Variants in TIMM23 observed in about 807,000 individuals in gnomAD.
TIMM23 encodes mitochondrial import inner membrane translocase subunit Tim23.
Under a neutral mutation model 30.7 loss-of-function variants are expected in TIMM23, and 19 were observed. The ratio of observed to expected loss-of-function variants is 0.62; its 90% CI spans 0.43 to 0.91. The LOEUF (loss-of-function observed/expected upper bound fraction) is 0.91, where lower values mean the gene tolerates loss of function less well. Among genes scored for constraint, TIMM23 ranks in the 40% least tolerant of loss-of-function variants. The probability of loss-of-function intolerance (pLI) is 0.00; values close to 1 mark genes in which losing one functional copy is unlikely to be tolerated. For synonymous variants in TIMM23, 78 were observed against 98.5 expected, an observed-to-expected ratio of 0.79 and a Z score of 1.23; for missense variants, 202 against 269.2, an observed-to-expected ratio of 0.75 and a Z score of 1.75.
chr10:45,979,017 A>G (rs1837761232), intron 2 of TIMM23, among the ~76,000 whole-genome samples: 1 of 152,254 alleles, frequency 6.6e-6, no homozygotes, highest in African/African-American at 2.4e-5. Context: ...CCTAAATGAA[A>G]GAAACCAGTC....
intron 6 of TIMM23, among the ~76,000 whole-genome samples, chr10:46,002,808 G>GTTTTTTT (rs1249590709): frequency 1.7e-5 from 2 of 115,478 alleles, no homozygotes; most frequent in African/African-American, 6.6e-5. Context: ...CCATTTCATA[G>GTTTTTTT]TATTTTTTTT....
intron 6 of TIMM23, among the ~76,000 whole-genome samples, chr10:45,993,244 C>CTATTTTTTTTTTTTTTT (rs1838222057): frequency 1.4e-5 from 1 of 72,062 alleles, no homozygotes; most frequent in Non-Finnish European, 2.5e-5. Context: ...TCTACCATCA[C>CTATTTTTTTTTTTTTTT]TTTTTTTTTT....
chr10:45,979,860 A>C (rs1286745752), intron 2 of TIMM23, among the ~76,000 whole-genome samples: 1 of 152,152 alleles, frequency 6.6e-6, no homozygotes, highest in African/African-American at 2.4e-5. Context: ...CAGTTTACTC[A>C]AAATTTCAAA....
rs1224462270 is a variant in TIMM23, at chr10:45,988,584, A to C, written c.404-153A>C. On this transcript the variant is annotated intron_variant, in intron 5 of 6. Coordinates refer to ENST00000580018, the MANE Select transcript of TIMM23 (RefSeq NM_006327.4). ...TGTTCCAAAGCTGATTCCAGAACCA[A>C]GGACAAATACCTTAACAAGTGATTG... is the stretch of plus-strand genomic sequence containing the variant. 6.5e-4 allele frequency among the ~76,000 whole-genome samples: 99 copies of C among 152,250 alleles called. 1 individual carries two copies. Among genetic ancestry groups the C allele is most frequent in the South Asian group, 4.1e-3 (20 of 4,820 alleles).
intron 6 of TIMM23, among the ~76,000 whole-genome samples, chr10:45,998,038 A>G (rs1041717265): frequency 6.6e-6 from 1 of 152,210 alleles, no homozygotes; most frequent in African/African-American, 2.4e-5. Context: ...CTGTTCCTAT[A>G]GAACAGGAGC....
intron 2 of TIMM23, among the ~76,000 whole-genome samples, chr10:45,976,947 C>T (rs1312062490): frequency 1.6e-4 from 24 of 152,262 alleles, no homozygotes; most frequent in African/African-American, 5.5e-4. Flanking sequence ...GTTCAATATA[C>T]ATAAATCAAA....
Position 45,972,792 on chromosome 10 carries a change from G to A in TIMM23, c.106+62G>A. On this transcript the variant is annotated intron_variant, in intron 1 of 6. Coordinates refer to ENST00000580018, the MANE Select transcript of TIMM23 (RefSeq NM_006327.4). Reference sequence around the variant, plus strand: ...GGTTTTTGCGTCTACACTAAGTTGCGCGTCCCATGTTTTATGTTGTTGTTT... The same window carrying A: ...GGTTTTTGCGTCTACACTAAGTTGCACGTCCCATGTTTTATGTTGTTGTTT... 3 of 1,598,042 alleles carry A rather than the reference G, an allele frequency of 1.9e-6. No homozygotes were observed. The South Asian group carries it at 3.4e-5, about 18-fold the overall frequency.
chr10:45,998,832 T>C (rs957666585), intron 6 of TIMM23, among the ~76,000 whole-genome samples: 1 of 22,212 alleles, frequency 4.5e-5, no homozygotes, highest in African/African-American at 4.6e-4. Flanking sequence ...CCCAAATATC[T>C]TTTTTTTTTT....
rs1303637703 is a variant in TIMM23 at position 45,976,721 on chromosome 10, C to T, written c.165+1209C>T. Among the ~76,000 whole-genome samples the T allele has an allele frequency of 5.9e-5, 9 of 152,072 alleles. No homozygotes were observed. The East Asian group carries it at 1.7e-3, about 29-fold the overall frequency. On this transcript the variant is annotated intron_variant, in intron 2 of 6. Coordinates refer to ENST00000580018, the MANE Select transcript of TIMM23 (RefSeq NM_006327.4). ...TGGTGAAAGACTGAATGCCTTCTCC[C>T]TAAGATCAGGAACAAAATAAGTATA...
At position 45,972,552 on chromosome 10, in the gene TIMM23, T is replaced by C. The variant is rs1837520918; in HGVS notation, c.-73T>C. 2 of 1,543,252 alleles carry C rather than the reference T, an allele frequency of 1.3e-6. No homozygotes were observed. Among genetic ancestry groups the C allele is most frequent in the South Asian group, 1.2e-5 (1 of 84,684 alleles). ...GGCAACGCGGGGTTACCCGCTGTTA[T>C]TGAGGAGTAACGGCCCAGCGGACCA... On this transcript the variant is annotated 5_prime_UTR_variant, in exon 1 of 7. Transcript: ENST00000580018.
At chr10:45,991,280 ACATAGAAAGG>A (rs1246565455) in intron 6 of TIMM23, among the ~76,000 whole-genome samples, 11 of 152,376 alleles carry the variant, frequency 7.2e-5, no homozygotes, top group African/African-American at 2.6e-4. Flanking sequence ...GCTTAAAATT[ACATAGAAAGG>A]CAGCATGTCA....
chr10:46,000,759 T>C (rs1425848458), intron 6 of TIMM23, among the ~76,000 whole-genome samples: 3 of 152,232 alleles, frequency 2.0e-5, no homozygotes, highest in Non-Finnish European at 4.4e-5. Flanking sequence ...CTGTGGATTA[T>C]TGACTTATAG....
At chr10:45,977,901 G>C (rs1486460609) in intron 2 of TIMM23, among the ~76,000 whole-genome samples, 1 of 151,750 alleles carries the variant, frequency 6.6e-6, no homozygotes, top group Non-Finnish European at 1.5e-5. Context: ...CGTGGTGCTG[G>C]GCGCCTGTAA....
intron 6 of TIMM23, among the ~76,000 whole-genome samples, chr10:45,993,202 C>G (rs1838218697): frequency 7.2e-6 from 1 of 139,348 alleles, no homozygotes; most frequent in Non-Finnish European, 1.5e-5. Flanking sequence ...AATGACCCTT[C>G]TAGTACTTGC....
intron 6 of TIMM23, among the ~76,000 whole-genome samples, chr10:45,996,090 A>G (rs1289656115): frequency 1.1e-4 from 16 of 148,266 alleles, no homozygotes; most frequent in South Asian, 2.1e-4. Flanking sequence ...GGCCTGGCAC[A>G]GTGGCTCACG....
chr10:45,994,170 T>C (rs1838256147), intron 6 of TIMM23, among the ~76,000 whole-genome samples: 2 of 151,814 alleles, frequency 1.3e-5, no homozygotes, highest in African/African-American at 4.8e-5. Context: ...CGAAACCCCA[T>C]CTCTACTAAA....
At chr10:45,989,377 T>G (rs1838090401) in intron 6 of TIMM23, among the ~76,000 whole-genome samples, 1 of 152,248 alleles carries the variant, frequency 6.6e-6, no homozygotes, top group South Asian at 2.1e-4. Flanking sequence ...GTGCGTTCTT[T>G]TATCAAGGAA....
chr10:45,977,888 A>C (rs1837722161), intron 2 of TIMM23, among the ~76,000 whole-genome samples: 1 of 151,904 alleles, frequency 6.6e-6, no homozygotes, highest in South Asian at 2.1e-4. Flanking sequence ...AAAATTAGCC[A>C]GGCGTGGTGC....
intron 6 of TIMM23, among the ~76,000 whole-genome samples, chr10:46,002,698 A>G (rs1186536675): frequency 6.6e-6 from 1 of 152,064 alleles, no homozygotes; most frequent in Non-Finnish European, 1.5e-5. Flanking sequence ...AATTATGAAT[A>G]TGAAAATGTT....
Sources: allele counts gnomAD v4.1 joint callset (sites outside exome capture counted in the v4.1 genomes callset), GRCh38; gene constraint gnomAD v4.1.1; transcripts MANE v1.5; gene names NCBI Gene and HGNC (gene_info 2026-07-23, HGNC 2026-07-21).